The following KIR2DL1 variants were observed in gnomAD, a reference collection of about 807,000 sequenced individuals.
The protein encoded by KIR2DL1 is killer cell immunoglobulin-like receptor 2DL1.
A neutral mutation model predicts 33.9 loss-of-function variants in KIR2DL1; 38 were observed. The ratio of observed to expected loss-of-function variants is 1.12; its 90% confidence interval spans 0.86 to 1.47. The LOEUF (loss-of-function observed/expected upper bound fraction) is 1.47. Ranked by LOEUF, KIR2DL1 falls within the 40% of genes most tolerant of loss-of-function variation. The probability of loss-of-function intolerance (pLI) is 0.00; values close to 1 mark genes in which losing one functional copy is unlikely to be tolerated. For synonymous variants in KIR2DL1, 179 were observed against 165.9 expected, an observed-to-expected ratio of 1.08 and a Z score of -0.61; for missense variants, 531 against 433.9, an observed-to-expected ratio of 1.22 and a Z score of -1.99.
At chr19:54,780,784 T>A (rs1212360223) in intron 5 of KIR2DL1, among the ~76,000 whole-genome samples, 1 of 135,488 alleles carries the variant, frequency 7.4e-6, no homozygotes, top group African/African-American at 2.7e-5. Flanking sequence ...CTTAATTAAT[T>A]TCTTTCTGAG....
At position 54,770,721 on chromosome 19, in the gene KIR2DL1, G is replaced by A. The variant is rs2147402726; in HGVS notation, c.35-128G>A. 4.5e-6 allele frequency: 6 copies of A among 1,325,614 alleles called. 1 individual carries two copies. Among genetic ancestry groups the A allele is most frequent in the South Asian group, 3.5e-5 (3 of 86,216 alleles). 82.1% of individuals were successfully genotyped at this position (1,325,614 alleles called of 1,614,324 possible). On this transcript the variant is annotated intron_variant, in intron 1 of 7. Coordinates refer to ENST00000336077, the MANE Select transcript of KIR2DL1 (RefSeq NM_014218.3). ...ACAGCCCTGTTCTTGGGTGCAGGTAGGCACTGAGGGTGAGTTTACCTTCAG... is the reference window on the plus strand; with the variant it reads ...ACAGCCCTGTTCTTGGGTGCAGGTAAGCACTGAGGGTGAGTTTACCTTCAG...
At chr19:54,772,705 C>A (rs1217049599) in intron 2 of KIR2DL1, among the ~76,000 whole-genome samples, 1 of 140,924 alleles carries the variant, frequency 7.1e-6, no homozygotes, top group Non-Finnish European at 1.6e-5. Context: ...GACTCTGTCG[C>A]CAAAATTAAT....
Position 54,769,809 on chromosome 19 carries a change from A to T in KIR2DL1, c.-42A>T. ...CCAAATAACATCCTGTGCGCTGCTGAGCTGAGCTCGGTCGCGGCTGCCTGT... is the reference window on the plus strand; with the variant it reads ...CCAAATAACATCCTGTGCGCTGCTGTGCTGAGCTCGGTCGCGGCTGCCTGT... On this transcript the variant is annotated 5_prime_UTR_variant, in exon 1 of 8. Transcript: ENST00000336077. The T allele has an allele frequency of 6.4e-7, 1 of 1,562,704 alleles. No homozygotes were observed. The highest frequency in any genetic ancestry group is 8.8e-7 in the Non-Finnish European group (1 of 1,141,836).
chr19:54,770,199 G>A (rs2075509385), intron 1 of KIR2DL1, among the ~76,000 whole-genome samples: 1 of 145,152 alleles, frequency 6.9e-6, no homozygotes, highest in Non-Finnish European at 1.5e-5. Context: ...GCCTGGAGTG[G>A]AGTCATGGGC....
In KIR2DL1 at chr19:54,779,981, C is replaced by A. The variant is rs2076769115; in HGVS notation, c.715+1319C>A. 4 of 378,068 alleles carry A rather than the reference C, an allele frequency of 1.1e-5. 1 individual carries two copies. The highest frequency in any genetic ancestry group is 9.0e-4 in the Middle Eastern group (1 of 1,114). 23.4% of individuals were successfully genotyped at this position (378,068 alleles called of 1,614,324 possible). A position where few individuals can be genotyped will look rare whatever the true frequency, so the allele number is the denominator to read the frequency against. ...TGTCACGATCTTGGCTCACTGCAAC[C>A]TGCGTCTCCTGGATTCAAGTGATTC... On this transcript the variant is annotated intron_variant, in intron 5 of 7. Transcript: ENST00000336077.
intron 4 of KIR2DL1, among the ~76,000 whole-genome samples, chr19:54,775,803 C>T (rs1458145323): frequency 6.7e-6 from 1 of 149,046 alleles, no homozygotes; most frequent in Admixed American, 6.7e-5. Context: ...CTCACCCACA[C>T]AGAGATGTCA....
At position 54,769,887 on chromosome 19, in the gene KIR2DL1, G is replaced by C. The variant is rs546244359; in HGVS notation, c.34+3G>C. ...GGTCGTCAGCATGGCGTGTGTTGGT[G>C]AGTCCTGGAAAGCAATAGAGGGAGG... On this transcript the variant is annotated splice_donor_region_variant and intron_variant, in intron 1 of 7. Transcript: ENST00000336077. 3 of 1,568,478 alleles carry C rather than the reference G, an allele frequency of 1.9e-6. No individual in the cohort carries two copies. The highest frequency in any genetic ancestry group is 2.2e-5 in the South Asian group (2 of 89,138).
chr19:54,778,900 A>G (rs1424642828), intron 5 of KIR2DL1, among the ~76,000 whole-genome samples: 1 of 148,538 alleles, frequency 6.7e-6, no homozygotes, highest in East Asian at 1.9e-4. Context: ...AATGATTGCC[A>G]ATCTGACATC....
In KIR2DL1 at chr19:54,782,329, T is replaced by C. The variant is rs774322299; in HGVS notation, c.716-593T>C. ...CTCTAAAGGAACACTTGAGCCTCGGTAACTTCTAAAGAAAAGAGATTGGTT... is the reference window on the plus strand; with the variant it reads ...CTCTAAAGGAACACTTGAGCCTCGGCAACTTCTAAAGAAAAGAGATTGGTT... On this transcript the variant is annotated intron_variant, in intron 5 of 7. Transcript: ENST00000336077. 1.2e-3 allele frequency among the ~76,000 whole-genome samples: 175 copies of C among 152,096 alleles called. 1 individual carries two copies. The highest frequency in any genetic ancestry group is 2.6e-3 in the Admixed American group (40 of 15,290).
chr19:54,773,677 G>C (rs750138928), intron 3 of KIR2DL1, 45 bp downstream of exon 3: 1 of 1,524,818 alleles, frequency 6.6e-7, no homozygotes, highest in Non-Finnish European at 9.0e-7. Flanking sequence ...GGGATGCAGA[G>C]TGAATGATCC....
chr19:54,775,412 A>C lies in KIR2DL1; in HGVS notation c.618A>C (p.Pro206=), dbSNP rs77397437. Residue 206 remains proline, a synonymous_variant, in exon 4 of 8, where the codon CCA becomes CCC. Transcript: ENST00000336077. ...GCTTCGGCTCTTTCCATGACTCTCC[A>C]TACGAGTGGTCAAAGTCAAGTGACC... ...YRCFGSFHDS[P]YEWSKSSDPL... is the part of the protein sequence containing the mutation. The C allele has an allele frequency of 0.09, 129,626 of 1,438,456 alleles. 33 individuals are homozygous for C. Among genetic ancestry groups the C allele is most frequent in the Middle Eastern group, 0.17 (887 of 5,272 alleles). 89.1% of individuals were successfully genotyped at this position (1,438,456 alleles called of 1,614,324 possible). A position where few individuals can be genotyped will look rare whatever the true frequency, so the allele number is the denominator to read the frequency against.
intron 5 of KIR2DL1, among the ~76,000 whole-genome samples, chr19:54,780,321 T>A (rs1277928010): frequency 1.6e-5 from 2 of 124,648 alleles, no homozygotes; most frequent in Admixed American, 1.7e-4. Context: ...CCTGAAAGAT[T>A]GGCGGAAGGA....
intron 4 of KIR2DL1, among the ~76,000 whole-genome samples, chr19:54,776,379 C>A (rs368914933): frequency 8.3e-5 from 12 of 145,370 alleles, no homozygotes; most frequent in East Asian, 5.9e-4. Flanking sequence ...TTTTTAATGA[C>A]CTCCAGTTCC....
chr19:54,782,885 A>C, intron 5 of KIR2DL1, 37 bp from the exon 6 acceptor site: 1 of 1,596,992 alleles, frequency 6.3e-7, no homozygotes, highest in East Asian at 2.2e-5. Context: ...AGGAACTGCT[A>C]AGATTAGCTT....
intron 5 of KIR2DL1, 105 bp from the exon 6 acceptor site, chr19:54,782,817 T>C: frequency 7.9e-7 from 1 of 1,273,590 alleles, no homozygotes; most frequent in Non-Finnish European, 1.1e-6. Context: ...GTGCTTGTCC[T>C]AAAGAGGTGT....
chr19:54,776,125 C>A (rs72487197), intron 4 of KIR2DL1, among the ~76,000 whole-genome samples: 13,684 of 115,388 alleles, frequency 0.12, 368 homozygotes, highest in South Asian at 0.21. Context: ...CTCCTGACCA[C>A]GTGATCCACC....
At position 54,773,260 on chromosome 19, in the gene KIR2DL1, C is replaced by A. The variant is rs1222065371; in HGVS notation, c.71-73C>A. On this transcript the variant is annotated intron_variant, in intron 2 of 7. Transcript: ENST00000336077. ...AGATAAGACACCAGGAAGGGGAAGC[C>A]TGACTCAATCCAGGTGCCATGGATG... is the stretch of plus-strand genomic sequence containing the variant. 3.4e-6 allele frequency: 5 copies of A among 1,461,242 alleles called. 1 individual carries two copies. The allele number at this position is 1,461,242 out of a possible 1,614,324, so 90.5% of individuals were successfully genotyped here.
chr19:54,783,828 C>T lies in KIR2DL1; in HGVS notation c.*15C>T. ...CCTGCCCATGAGCACCACAGTCAGGCCTTGAGGGCGTCTTCTAGGGAGACA... is the reference window on the plus strand; with the variant it reads ...CCTGCCCATGAGCACCACAGTCAGGTCTTGAGGGCGTCTTCTAGGGAGACA... On this transcript the variant is annotated 3_prime_UTR_variant, in exon 8 of 8. Coordinates refer to ENST00000336077, the MANE Select transcript of KIR2DL1 (RefSeq NM_014218.3). 1.2e-6 allele frequency: 2 copies of T among 1,613,950 alleles called. No homozygotes were observed. The highest frequency in any genetic ancestry group is 1.7e-5 in the Admixed American group (1 of 60,014).
intron 5 of KIR2DL1, among the ~76,000 whole-genome samples, chr19:54,782,010 CA>C: frequency 1.3e-5 from 2 of 152,158 alleles, no homozygotes; most frequent in South Asian, 4.1e-4. Context: ...GTTACATAGG[CA>C]GGTTCATTAC....
Sources: gnomAD v4.1 joint callset for allele counts (sites outside exome capture counted in the v4.1 genomes callset) on GRCh38, gnomAD v4.1.1 for gene constraint, MANE v1.5 for transcripts, NCBI Gene and HGNC (gene_info 2026-07-23, HGNC 2026-07-21) for gene names.